The following ATRNL1 variants were observed in gnomAD, a reference collection of about 807,000 sequenced individuals.
ATRNL1 encodes the protein attractin like 1, also known as attractin-like protein 1.
ATRNL1 carries 95 observed loss-of-function variants against 182.7 expected under a neutral mutation model. The ratio of observed to expected loss-of-function variants is 0.52; its 90% CI spans 0.44 to 0.62. The LOEUF (loss-of-function observed/expected upper bound fraction) is 0.62, where lower values mean the gene tolerates loss of function less well. Among genes scored for constraint, ATRNL1 ranks in the 20% least tolerant of loss-of-function variants. The probability of loss-of-function intolerance (pLI) is 0.00; values close to 1 mark genes in which losing one functional copy is unlikely to be tolerated. For missense variants in ATRNL1, 1,471 were observed against 1,679.5 expected (o/e 0.88, Z 2.17); for synonymous variants, 576 against 568.3 (o/e 1.01, Z -0.19).
rs572743389 is a variant in ATRNL1, at chr10:115,856,428, C to CAAA, written c.4018+8457_4018+8459dup. On this transcript the variant is annotated intron_variant, in intron 28 of 28. Coordinates refer to ENST00000355044, the MANE Select transcript of ATRNL1 (RefSeq NM_207303.4). ...GGGCAACAAGAGCGAAGCTCCATCT[C>CAAA]AAAAAAAAAAAAAAAAAAAAAAGCC... is the stretch of plus-strand genomic sequence containing the variant. 7.4e-3 allele frequency among the ~76,000 whole-genome samples: 167 copies of CAAA among 22,530 alleles called. 35 individuals are homozygous for CAAA. The highest frequency in any genetic ancestry group is 0.017 in the East Asian group (11 of 636). 14.8% of individuals were successfully genotyped at this position (22,530 alleles called of 152,430 possible).
At chr10:115,296,928 C>G (rs2133965892) in intron 15 of ATRNL1, among the ~76,000 whole-genome samples, 1 of 152,244 alleles carries the variant, frequency 6.6e-6, no homozygotes. Context: ...GGGAGAGAAA[C>G]AAACACAATT....
chr10:115,742,809 T>C (rs528848541), intron 27 of ATRNL1, among the ~76,000 whole-genome samples: 1 of 152,246 alleles, frequency 6.6e-6, no homozygotes, highest in African/African-American at 2.4e-5. Context: ...AATCTTCTCA[T>C]ATCACCTTGC....
chr10:115,644,256 T>C (rs1179017631), intron 26 of ATRNL1, among the ~76,000 whole-genome samples: 1 of 152,160 alleles, frequency 6.6e-6, no homozygotes, highest in Non-Finnish European at 1.5e-5. Context: ...ACCAATCACA[T>C]TGAGCTTGTT....
chr10:115,308,468 T>C (rs146981151), intron 17 of ATRNL1, among the ~76,000 whole-genome samples: 1 of 152,274 alleles, frequency 6.6e-6, no homozygotes, highest in Non-Finnish European at 1.5e-5. Flanking sequence ...TCAGTATTTG[T>C]AAGTTTATGT....
intron 10 of ATRNL1, among the ~76,000 whole-genome samples, chr10:115,253,696 C>T (rs1329482684): frequency 6.6e-6 from 1 of 151,836 alleles, no homozygotes; most frequent in Non-Finnish European, 1.5e-5. Context: ...TTTGCTGCAC[C>T]CATCAGCTCA....
At chr10:115,529,666 A>T (rs1851448960) in intron 25 of ATRNL1, among the ~76,000 whole-genome samples, 1 of 152,078 alleles carries the variant, frequency 6.6e-6, no homozygotes, top group South Asian at 2.1e-4. Context: ...CCTGAATCAT[A>T]TAGGAGAACT....
chr10:115,772,822 T>C (rs1555076785), intron 27 of ATRNL1, among the ~76,000 whole-genome samples: 3 of 152,132 alleles, frequency 2.0e-5, no homozygotes, highest in African/African-American at 7.2e-5. Context: ...TTGACTGACA[T>C]TTTTGCAGGC....
At chr10:115,527,595 G>A (rs1283953394) in intron 25 of ATRNL1, among the ~76,000 whole-genome samples, 1 of 152,084 alleles carries the variant, frequency 6.6e-6, no homozygotes, top group Non-Finnish European at 1.5e-5. Context: ...AGTAATATTT[G>A]TGTCTATGGA....
intron 9 of ATRNL1, among the ~76,000 whole-genome samples, chr10:115,235,741 T>C (rs1554901234): frequency 6.6e-6 from 1 of 152,172 alleles, no homozygotes; most frequent in African/African-American, 2.4e-5. Context: ...AAGTGGTATA[T>C]TTTAGTTTTC....
At chr10:115,906,762 A>G (rs1952515111) in intron 28 of ATRNL1, among the ~76,000 whole-genome samples, 3 of 152,282 alleles carry the variant, frequency 2.0e-5, no homozygotes, top group East Asian at 3.9e-4. Context: ...TATATCCTAG[A>G]CTTCATCTTT....
intron 28 of ATRNL1, among the ~76,000 whole-genome samples, chr10:115,936,936 G>GT (rs112695197): frequency 2.6e-5 from 4 of 152,234 alleles, no homozygotes; most frequent in South Asian, 2.1e-4. Flanking sequence ...TCTGATTCTG[G>GT]TAAGTGTTTG....
intron 25 of ATRNL1, among the ~76,000 whole-genome samples, chr10:115,537,446 C>T (rs2133773218): frequency 6.6e-6 from 1 of 152,270 alleles, no homozygotes; most frequent in African/African-American, 2.4e-5. Context: ...ACTTGGGACT[C>T]ATTTAAATCC....
chr10:115,644,351 A>G (rs1376375105), intron 26 of ATRNL1, among the ~76,000 whole-genome samples: 3 of 152,124 alleles, frequency 2.0e-5, no homozygotes, highest in African/African-American at 7.2e-5. Flanking sequence ...TACCTTAACT[A>G]CGCACAGTGT....
At chr10:115,532,737 A>T (rs1262171798) in intron 25 of ATRNL1, among the ~76,000 whole-genome samples, 2 of 151,244 alleles carry the variant, frequency 1.3e-5, no homozygotes, top group Non-Finnish European at 3.0e-5. Flanking sequence ...GTTTTTGCCC[A>T]TTCAGTATGA....
chr10:115,216,944 T>C (rs1554896414), intron 9 of ATRNL1, among the ~76,000 whole-genome samples: 1 of 152,148 alleles, frequency 6.6e-6, no homozygotes, highest in African/African-American at 2.4e-5. Flanking sequence ...CATTTTTATT[T>C]TGTATAACTC....
intron 26 of ATRNL1, among the ~76,000 whole-genome samples, chr10:115,686,120 A>G (rs1438972814): frequency 6.6e-6 from 1 of 151,900 alleles, no homozygotes; most frequent in Non-Finnish European, 1.5e-5. Flanking sequence ...TATTTTTAAA[A>G]TAGCTTAGCA....
chr10:115,873,327 T>A (rs1951627470), intron 28 of ATRNL1, among the ~76,000 whole-genome samples: 1 of 152,118 alleles, frequency 6.6e-6, no homozygotes, highest in African/African-American at 2.4e-5. Flanking sequence ...CTCCTGGGAG[T>A]ACTCTTTCAC....
intron 26 of ATRNL1, among the ~76,000 whole-genome samples, chr10:115,716,472 C>T (rs1565313468): frequency 1.3e-5 from 2 of 152,110 alleles, no homozygotes; most frequent in African/African-American, 4.8e-5. Context: ...AACACGAACT[C>T]CTTATACACT....
At chr10:115,829,754 G>GA (rs1244879966) in intron 27 of ATRNL1, among the ~76,000 whole-genome samples, 1 of 151,940 alleles carries the variant, frequency 6.6e-6, no homozygotes, top group Non-Finnish European at 1.5e-5. Flanking sequence ...AGCTAAAGCA[G>GA]AAAAAAATCA....
Sources: allele counts gnomAD v4.1 joint callset (sites outside exome capture counted in the v4.1 genomes callset), GRCh38; gene constraint gnomAD v4.1.1; transcripts MANE v1.5; gene names NCBI Gene and HGNC (gene_info 2026-07-23, HGNC 2026-07-21).